Variants in BDP1 observed in about 807,000 individuals in gnomAD.
The protein encoded by BDP1 is transcription factor TFIIIB component B'' homolog.
Under a neutral mutation model 266.6 loss-of-function variants are expected in BDP1, and 169 were observed. The observed-to-expected ratio is 0.63, with a 90% confidence interval of 0.56 to 0.72. BDP1 has a LOEUF of 0.72. Ranked by LOEUF, BDP1 falls within the 30% of genes least tolerant of loss-of-function variation. BDP1 has a pLI of 0.00. For synonymous variants in BDP1, 1,090 were observed against 1,022.4 expected (o/e 1.07, Z -1.26); for missense variants, 3,015 against 3,053.8 (o/e 0.99, Z 0.30).
At chr5:71,518,750 A>G (rs1165015382) in intron 22 of BDP1, among the ~76,000 whole-genome samples, 1 of 151,034 alleles carries the variant, frequency 6.6e-6, no homozygotes. Flanking sequence ...ACCGTGCCCG[A>G]CCTCTGTTAA....
At position 71,502,753 on chromosome 5, in the gene BDP1, G is replaced by A; in HGVS notation, c.2203G>A (p.Val735Ile). 6.2e-7 allele frequency: 1 copy of A among 1,613,750 alleles called. No individual in the cohort carries two copies. The highest frequency in any genetic ancestry group is 8.5e-7 in the Non-Finnish European group (1 of 1,179,942). ...ATCACAGGAAGAAATTGGGGCCAAT[G>A]TAGAGAAGAATGAAAATGAATCCTG... is the stretch of plus-strand genomic sequence containing the variant. ...LISQEEIGAN[V>I]EKNENESCAD... The change falls in exon 15 of 39, where the codon GTA becomes ATA. Residue 735 changes from valine to isoleucine, a missense_variant. This residue lies in a region of BDP1 where 2,383 missense variants were observed against 2,404.9 expected (regional missense o/e 0.99). Coordinates refer to ENST00000358731, the MANE Select transcript of BDP1 (RefSeq NM_018429.3).
At chr5:71,517,153 G>C (rs12513828) in intron 21 of BDP1, among the ~76,000 whole-genome samples, 169 bp from the exon 22 acceptor site, 6 of 152,188 alleles carry the variant, frequency 3.9e-5, no homozygotes, top group African/African-American at 1.4e-4. Context: ...TTTGAGCCTA[G>C]GACTTTGAGA....
At chr5:71,466,042 A>G (rs1761886605) in intron 4 of BDP1, 54 bp from the exon 5 acceptor site, 6 of 1,586,378 alleles carry the variant, frequency 3.8e-6, no homozygotes, top group African/African-American at 1.4e-5. Context: ...GTTTTATACT[A>G]TTTAGGCACA....
intron 16 of BDP1, among the ~76,000 whole-genome samples, chr5:71,505,362 G>T (rs1311521803): frequency 6.6e-6 from 1 of 152,070 alleles, no homozygotes; most frequent in Non-Finnish European, 1.5e-5. Flanking sequence ...AATGTAAAAT[G>T]CTACTTATTT....
rs1432166179 is a variant in BDP1 at position 71,486,598 on chromosome 5, A to C, written c.1184A>C (p.Lys395Thr). 6.5e-7 allele frequency: 1 copy of C among 1,530,338 alleles called. No homozygotes were observed. The highest frequency in any genetic ancestry group is 8.7e-7 in the Non-Finnish European group (1 of 1,152,144). 94.8% of individuals were successfully genotyped at this position (1,530,338 alleles called of 1,614,324 possible). The change falls in exon 9 of 39, where the codon AAA (lysine) becomes ACA (threonine). Residue 395 changes from lysine to threonine, a missense_variant. Around this residue, in one of 3 missense-constraint regions of BDP1, gnomAD observed 2,383 missense variants for 2,404.9 expected, o/e 0.99. Transcript: ENST00000358731. ...SVKNHSLKEK[K>T]STKPRKNVKV... ...AAAAATCACAGTTTAAAGGAGAAGAAATCCACCAAACCACGGAAAAATGTA... is the reference window on the plus strand; with the variant it reads ...AAAAATCACAGTTTAAAGGAGAAGACATCCACCAAACCACGGAAAAATGTA...
rs1384192487 is a variant in BDP1 at position 71,565,022 on chromosome 5, A to AT, written c.*140dup. The AT allele has an allele frequency of 3.9e-6, 3 of 768,772 alleles. No homozygotes were observed. The African/African-American group carries it at 5.3e-5, about 14-fold the overall frequency. The allele number at this position is 768,772 out of a possible 1,614,324, so 47.6% of individuals were successfully genotyped here. A position where few individuals can be genotyped will look rare whatever the true frequency, so the allele number is the denominator to read the frequency against. The stretch of plus-strand genomic sequence containing the variant: ...TGATTTTGAATACTTAATGAGCTTG[A>AT]TTTGAAGCTTTTATAATCAGTGGAA... On this transcript the variant is annotated 3_prime_UTR_variant, in exon 39 of 39. Coordinates refer to ENST00000358731, the MANE Select transcript of BDP1 (RefSeq NM_018429.3).
intron 6 of BDP1, among the ~76,000 whole-genome samples, chr5:71,469,659 G>T (rs765697442): frequency 1.3e-5 from 2 of 151,910 alleles, no homozygotes; most frequent in Non-Finnish European, 2.9e-5. Context: ...TTTCGCCCAG[G>T]CTGGAGTGCA....
At chr5:71,544,041 G>C (rs2150569105) in intron 30 of BDP1, among the ~76,000 whole-genome samples, 1 of 152,226 alleles carries the variant, frequency 6.6e-6, no homozygotes, top group Non-Finnish European at 1.5e-5. Context: ...CCCAACCTCG[G>C]TGTACCCACC....
chr5:71,511,091 C>T lies in BDP1; in HGVS notation c.3999C>T (p.Asp1333=), dbSNP rs376825112. ...AGACCAGTACCTCAAGACAAACTGACACACATTTAATGCAGAGCGGTAGCA... is the reference window on the plus strand; with the variant it reads ...AGACCAGTACCTCAAGACAAACTGATACACATTTAATGCAGAGCGGTAGCA... ...LEETSTSRQT[D]THLMQSGSND... Residue 1333 remains aspartate (D), a synonymous_variant, in exon 17 of 39, where the codon GAC becomes GAT. Coordinates refer to ENST00000358731, the MANE Select transcript of BDP1 (RefSeq NM_018429.3). 203 of 1,614,000 alleles carry T rather than the reference C, an allele frequency of 1.3e-4. No individual in the cohort carries two copies. Among genetic ancestry groups the T allele is most frequent in the Middle Eastern group, 1.6e-4 (1 of 6,084 alleles).
At chr5:71,545,784 G>A (rs981180195) in intron 32 of BDP1, among the ~76,000 whole-genome samples, 13 of 151,826 alleles carry the variant, frequency 8.6e-5, no homozygotes, top group African/African-American at 2.4e-5. Context: ...GGAGAGGAAC[G>A]TGTGTGTAAA....
chr5:71,544,927 T>C, intron 31 of BDP1, 112 bp from the exon 32 acceptor site: 1 of 872,916 alleles, frequency 1.1e-6, no homozygotes. Context: ...ATTAAATATG[T>C]TTTAAAAGTT....
intron 34 of BDP1, among the ~76,000 whole-genome samples, chr5:71,552,004 C>T (rs1347616244): frequency 1.3e-5 from 2 of 149,656 alleles, no homozygotes; most frequent in East Asian, 4.0e-4. Context: ...CGAGGGCTGA[C>T]CCCCACCTCC....
intron 7 of BDP1, among the ~76,000 whole-genome samples, chr5:71,480,987 T>C (rs938356875): frequency 2.0e-5 from 3 of 152,060 alleles, no homozygotes; most frequent in African/African-American, 4.8e-5. Flanking sequence ...CCATCCTGGC[T>C]AACACAGAAA....
Position 71,463,425 on chromosome 5 carries a change from G to C in BDP1, c.600-633G>C, listed in dbSNP as rs796459574. On this transcript the variant is annotated intron_variant, in intron 3 of 38. Transcript: ENST00000358731. ...TGTTGAAGAAAGGGCCAGAAACCTA[G>C]GTTTTGAGTTGTTTAACATCCAGGA... is the stretch of plus-strand genomic sequence containing the variant. Among the ~76,000 whole-genome samples the C allele has an allele frequency of 4.5e-4, 68 of 152,270 alleles. 1 individual carries two copies. The highest frequency in any genetic ancestry group is 1.6e-3 in the African/African-American group (67 of 41,552).
rs1761354830 is a variant in BDP1, at chr5:71,458,739, G to A, written c.373G>A (p.Ala125Thr). ...SHPLSTINQE[A>T]PQPTATSTKE... ...TCCCTTATCTACAATTAATCAAGAG[G>A]CTCCACAGCCAACTGCCACTTCAAC... The change falls in exon 2 of 39, where the codon GCT becomes ACT. Residue 125 changes from alanine (A) to threonine (T), a missense_variant. Physicochemically the swap from Ala to Thr is moderately conservative, Grantham distance 58. Coordinates refer to ENST00000358731, the MANE Select transcript of BDP1 (RefSeq NM_018429.3). 6.2e-7 allele frequency: 1 copy of A among 1,613,916 alleles called. No homozygotes were observed. The highest frequency in any genetic ancestry group is 2.2e-5 in the East Asian group (1 of 44,870).
At chr5:71,469,843 T>C (rs1408499539) in intron 6 of BDP1, among the ~76,000 whole-genome samples, 2 of 43,164 alleles carry the variant, frequency 4.6e-5, no homozygotes, top group Non-Finnish European at 1.2e-4. Context: ...TCTCAAACTC[T>C]TTTTTTTTTT....
chr5:71,548,145 C>T (rs1290612869), intron 32 of BDP1, among the ~76,000 whole-genome samples: 3 of 151,478 alleles, frequency 2.0e-5, no homozygotes, highest in Non-Finnish European at 4.4e-5. Context: ...AAAAATTAGC[C>T]AGGTGTGGTG....
At position 71,549,544 on chromosome 5, in the gene BDP1, C is replaced by G; in HGVS notation, c.6933C>G (p.Asn2311Lys). 1 of 1,613,466 alleles carries G rather than the reference C, an allele frequency of 6.2e-7. No homozygotes were observed. Among genetic ancestry groups the G allele is most frequent in the South Asian group, 1.1e-5 (1 of 90,848 alleles). The change falls in exon 34 of 39, where the codon AAC (asparagine) becomes AAG (lysine). Residue 2311 changes from asparagine to lysine, a missense_variant. Physicochemically the swap from Asn to Lys is moderately conservative, Grantham distance 94. Transcript: ENST00000358731. ...FTDATAQFMP[N>K]PLLPAPILVK... ...ATGCCACTGCACAGTTCATGCCAAA[C>G]CCTTTACTGCCAGCTCCCATATTGG...
At chr5:71,538,362 T>A (rs1412957001) in intron 26 of BDP1, among the ~76,000 whole-genome samples, 3 of 152,142 alleles carry the variant, frequency 2.0e-5, no homozygotes, top group Non-Finnish European at 4.4e-5. Context: ...TATTTTTGGG[T>A]GCAGCAGTTT....
Sources: gnomAD v4.1 joint callset for allele counts (sites outside exome capture counted in the v4.1 genomes callset) on GRCh38, gnomAD v4.1.1 for gene constraint, gnomAD v4.1.1 regional missense constraint, MANE v1.5 for transcripts, NCBI Gene and HGNC (gene_info 2026-07-23, HGNC 2026-07-21) for gene names.